The following ZNF514 variants were observed in gnomAD, a reference collection of about 807,000 sequenced individuals.
ZNF514 encodes zinc finger protein 514.
In ZNF514, 12 loss-of-function variants were observed where a neutral mutation model predicts 9.7. That is an observed-to-expected ratio of 1.24 (90% CI 0.79 to 2.01). ZNF514 has a LOEUF of 2.01. Ranked by LOEUF, ZNF514 falls within the 30% of genes most tolerant of loss-of-function variation. The pLI is 0.00. For missense variants in ZNF514, 467 were observed against 465.5 expected (o/e 1.00, Z -0.03); for synonymous variants, 158 against 163.7 (o/e 0.97, Z 0.27).
rs1384915054 is a variant in ZNF514, at chr2:95,159,697, CG to C, written c.-554del. On this transcript the variant is annotated 5_prime_UTR_variant, in exon 1 of 5. Transcript: ENST00000295208. ...CCCGCGCCAGCCCCCGCGTCCGCCC[CG>C]CGCCAGCCCCCGCGTCCGCCCCGCG... 5.7e-5 allele frequency: 8 copies of C among 140,680 alleles called. No individual in the cohort carries two copies. The highest frequency in any genetic ancestry group is 2.1e-4 in the African/African-American group (8 of 38,196). 8.7% of individuals were successfully genotyped at this position (140,680 alleles called of 1,614,324 possible).
At chr2:95,158,579 G>A (rs1481678039) in intron 1 of ZNF514, among the ~76,000 whole-genome samples, 1 of 152,224 alleles carries the variant, frequency 6.6e-6, no homozygotes, top group Non-Finnish European at 1.5e-5. Context: ...GGTGATTAAG[G>A]AGGTGGATGA....
chr2:95,130,671 G>A, the ZNF514 span, among the ~76,000 whole-genome samples: 2 of 152,192 alleles, frequency 1.3e-5, no homozygotes, highest in Admixed American at 6.5e-5. Context: ...TGTTCTGCCC[G>A]GCTCACCGGC....
At chr2:95,136,684 C>G in the ZNF514 span, among the ~76,000 whole-genome samples, 1 of 151,128 alleles carries the variant, frequency 6.6e-6, no homozygotes, top group African/African-American at 2.4e-5. Flanking sequence ...ATGGAACTTT[C>G]TGTACCTCAG....
At chr2:95,129,978 A>AGG in the ZNF514 span, among the ~76,000 whole-genome samples, 53 of 152,252 alleles carry the variant, frequency 3.5e-4, 2 homozygotes, top group South Asian at 0.01. Flanking sequence ...TCTCTTATTT[A>AGG]TTTATTTATA....
downstream of ZNF514, among the ~76,000 whole-genome samples, chr2:95,141,036 CAG>C (rs1676821065): frequency 6.6e-6 from 1 of 151,606 alleles, no homozygotes; most frequent in African/African-American, 2.4e-5. Context: ...CTCAGGGACT[CAG>C]GGGAAACGGT....
Position 95,159,696 on chromosome 2 carries a change from C to CCGCGCCAGCCCCCGCGTCCGCCG in ZNF514, c.-553_-552insCGGCGGACGCGGGGGCTGGCGCG. On this transcript the variant is annotated 5_prime_UTR_variant, in exon 1 of 5. Coordinates refer to ENST00000295208, the MANE Select transcript of ZNF514 (RefSeq NM_032788.3). The stretch of plus-strand genomic sequence containing the variant: ...CCCCGCGCCAGCCCCCGCGTCCGCC[C>CCGCGCCAGCCCCCGCGTCCGCCG]CGCGCCAGCCCCCGCGTCCGCCCCG... 1 of 140,748 alleles carries CCGCGCCAGCCCCCGCGTCCGCCG rather than the reference C, an allele frequency of 7.1e-6. No homozygotes were observed. The highest frequency in any genetic ancestry group is 1.6e-5 in the Non-Finnish European group (1 of 63,750). The allele number at this position is 140,748 out of a possible 1,614,324, so 8.7% of individuals were successfully genotyped here. A position where few individuals can be genotyped will look rare whatever the true frequency, so the allele number is the denominator to read the frequency against.
At position 95,150,224 on chromosome 2, in the gene ZNF514, C is replaced by T. The variant is rs1423306953; in HGVS notation, c.261G>A (p.Trp87Ter). The change falls in exon 5 of 5, where the codon TGG becomes TGA. Residue 87 changes from tryptophan (W) to a stop codon, truncating the protein, a stop_gained. Coordinates refer to ENST00000295208, the MANE Select transcript of ZNF514 (RefSeq NM_032788.3). LOFTEE classifies it low-confidence loss of function (END_TRUNC). ...GGAATAATTCTTCTTTGGAAATTCC[C>T]CAACTTGGCATTGATTCCTTGGATT... The part of the protein sequence containing the change: ...RSKSKESMPS[W>*]GISKEELFQV... 6.2e-7 allele frequency: 1 copy of T among 1,600,952 alleles called. No homozygotes were observed. Among genetic ancestry groups the T allele is most frequent in the African/African-American group, 1.3e-5 (1 of 74,110 alleles).
chr2:95,149,216 A>G lies in ZNF514; in HGVS notation c.*66T>C, dbSNP rs1673447148. On this transcript the variant is annotated 3_prime_UTR_variant, in exon 5 of 5. Coordinates refer to ENST00000295208, the MANE Select transcript of ZNF514 (RefSeq NM_032788.3). ...ATTACACCTTTAGGATCTCTCTCTG[A>G]TATGAATTCTTTAAGTTCCAGTGAT... 6.7e-7 allele frequency: 1 copy of G among 1,503,340 alleles called. No homozygotes were observed. Among genetic ancestry groups the G allele is most frequent in the African/African-American group, 1.4e-5 (1 of 71,404 alleles). 93.1% of individuals were successfully genotyped at this position (1,503,340 alleles called of 1,614,324 possible).
At chr2:95,141,242 A>G (rs189336055), downstream of ZNF514, among the ~76,000 whole-genome samples, 63 of 152,056 alleles carry the variant, frequency 4.1e-4, no homozygotes, top group Admixed American at 3.6e-3. Flanking sequence ...ACATAACAAA[A>G]CTCCATAAGG....
the ZNF514 span, among the ~76,000 whole-genome samples, chr2:95,131,528 G>A: frequency 6.6e-6 from 1 of 152,188 alleles, no homozygotes; most frequent in South Asian, 2.1e-4. Context: ...GTACATGTGA[G>A]TCATAAACCA....
At position 95,159,770 on chromosome 2, in the gene ZNF514, C is replaced by A. The variant is rs1439701620; in HGVS notation, c.-626G>T. 3.3e-5 allele frequency among the ~76,000 whole-genome samples: 5 copies of A among 150,016 alleles called. No homozygotes were observed. The highest frequency in any genetic ancestry group is 7.4e-5 in the Non-Finnish European group (5 of 67,314). On this transcript the variant is annotated 5_prime_UTR_variant, in exon 1 of 5. Coordinates refer to ENST00000295208, the MANE Select transcript of ZNF514 (RefSeq NM_032788.3). ...CGCCAGCCCCGCCTCCCGAGGCCGT[C>A]CCGAGCTTGCGCAGACGCGGCCGCC...
chr2:95,126,070 A>C, the ZNF514 span, among the ~76,000 whole-genome samples: 1 of 152,154 alleles, frequency 6.6e-6, no homozygotes, highest in Non-Finnish European at 1.5e-5. Context: ...GTATATGTTT[A>C]GTTTTTAAAG....
rs752158513 is a variant in ZNF514 at position 95,157,436 on chromosome 2, G to A, written c.-92C>T. The A allele has an allele frequency of 2.3e-5, 30 of 1,289,402 alleles. No individual in the cohort carries two copies. The South Asian group carries it at 3.7e-4, about 16-fold the overall frequency. 79.9% of individuals were successfully genotyped at this position (1,289,402 alleles called of 1,614,324 possible). A position where few individuals can be genotyped will look rare whatever the true frequency, so the allele number is the denominator to read the frequency against. On this transcript the variant is annotated 5_prime_UTR_variant, in exon 2 of 5. Transcript: ENST00000295208. ...AGGAAGAGCAGGATTCTGAGAAGGG[G>A]AAGCTGGGAAGGTAGAAGGAGACAT...
the ZNF514 span, among the ~76,000 whole-genome samples, chr2:95,139,586 GAAAGT>G: frequency 2.9e-5 from 4 of 136,416 alleles, no homozygotes; most frequent in Non-Finnish European, 6.2e-5. Context: ...CTTGTATCTT[GAAAGT>G]AAATAACTTG....
intron 4 of ZNF514, 101 bp downstream of exon 4, chr2:95,152,573 A>G: frequency 2.2e-6 from 2 of 912,328 alleles, no homozygotes; most frequent in Non-Finnish European, 3.5e-6. Flanking sequence ...CTGCCAAGTG[A>G]TCTCATCTTC....
downstream of ZNF514, among the ~76,000 whole-genome samples, chr2:95,143,634 A>G (rs1673296661): frequency 6.6e-6 from 1 of 152,188 alleles, no homozygotes; most frequent in African/African-American, 2.4e-5. Context: ...ATAAATAAAT[A>G]AAATAAAAAT....
Position 95,149,814 on chromosome 2 carries a change from C to T in ZNF514, c.671G>A (p.Arg224Gln), listed in dbSNP as rs761348025. The change falls in exon 5 of 5, where the codon CGA (arginine) becomes CAA (glutamine). Residue 224 changes from arginine to glutamine, a missense_variant. Physicochemically the swap from Arg to Gln is conservative, Grantham distance 43 (BLOSUM62 1). Transcript: ENST00000295208. The part of the protein sequence containing the change: ...HFQSELRRHQ[R>Q]CHTGEKPYEC... ...ATACGGCTTTTCTCCAGTGTGACAT[C>T]GCTGATGGCGCCTAAGTTCTGACTG... The T allele has an allele frequency of 7.4e-6, 12 of 1,614,108 alleles. No individual in the cohort carries two copies. Among genetic ancestry groups the T allele is most frequent in the East Asian group, 6.7e-5 (3 of 44,904 alleles).
At chr2:95,129,087 A>G in the ZNF514 span, among the ~76,000 whole-genome samples, 1 of 152,180 alleles carries the variant, frequency 6.6e-6, no homozygotes, top group Non-Finnish European at 1.5e-5. Flanking sequence ...ACTGTTGGTG[A>G]CATTTTTAGC....
chr2:95,127,172 G>A, the ZNF514 span, among the ~76,000 whole-genome samples: 1 of 152,180 alleles, frequency 6.6e-6, no homozygotes, highest in African/African-American at 2.4e-5. Context: ...TTAGCTGTAC[G>A]TTTTTGGTAG....
Sources: allele counts gnomAD v4.1 joint callset (sites outside exome capture counted in the v4.1 genomes callset), GRCh38; gene constraint gnomAD v4.1.1; transcripts MANE v1.5; gene names NCBI Gene and HGNC (gene_info 2026-07-23, HGNC 2026-07-21).